Variants in ADAMTS3 observed in about 807,000 individuals in gnomAD.
ADAMTS3 encodes the protein A disintegrin and metalloproteinase with thrombospondin motifs 3.
A neutral mutation model predicts 129.0 loss-of-function variants in ADAMTS3; 73 were observed. The observed-to-expected ratio is 0.57, with a 90% CI of 0.47 to 0.69. ADAMTS3 has a LOEUF of 0.69. Ranked by LOEUF, ADAMTS3 falls within the 30% of genes least tolerant of loss-of-function variation. The pLI, the probability that ADAMTS3 is intolerant of heterozygous loss-of-function variation, is 0.00. For missense variants in ADAMTS3, 1,457 were observed against 1,514.5 expected (o/e 0.96, Z 0.63); for synonymous variants, 477 against 510.8 (o/e 0.93, Z 0.89).
chr4:72,436,313 C>A (rs186511011), intron 3 of ADAMTS3, among the ~76,000 whole-genome samples: 112 of 152,272 alleles, frequency 7.4e-4, no homozygotes, highest in African/African-American at 2.6e-3. Context: ...GAGATACCAT[C>A]TCACGCCAGT....
At chr4:72,482,522 G>C (rs1719466360) in intron 3 of ADAMTS3, among the ~76,000 whole-genome samples, 1 of 152,066 alleles carries the variant, frequency 6.6e-6, no homozygotes, top group African/African-American at 2.4e-5. Flanking sequence ...AGTGGGGTGG[G>C]AGAAAAGTGG....
chr4:72,458,790 C>A (rs917105631), intron 3 of ADAMTS3, among the ~76,000 whole-genome samples: 1 of 151,494 alleles, frequency 6.6e-6, no homozygotes, highest in East Asian at 2.0e-4. Flanking sequence ...AATATCTCCA[C>A]ATATCAGAAA....
chr4:72,376,251 G>C (rs776198549), intron 4 of ADAMTS3, among the ~76,000 whole-genome samples: 6 of 152,240 alleles, frequency 3.9e-5, no homozygotes, highest in Non-Finnish European at 7.4e-5. Context: ...GGCTGGGAGA[G>C]CCCAAGATCA....
At position 72,532,491 on chromosome 4, in the gene ADAMTS3, G is replaced by GCACACA. The variant is rs35399046; in HGVS notation, c.504+15981_504+15986dup. ...CCTTCTGCTCTTAATAATTTAATATGCACACACACACACACACACACACAC... is the reference window on the plus strand; with the variant it reads ...CCTTCTGCTCTTAATAATTTAATATGCACACACACACACACACACACACACACACAC... On this transcript the variant is annotated intron_variant, in intron 3 of 21. Transcript: ENST00000286657. Among the ~76,000 whole-genome samples, 381 of 148,790 alleles carry GCACACA rather than the reference G, an allele frequency of 2.6e-3. 2 individuals carry two copies. The highest frequency in any genetic ancestry group is 8.0e-3 in the African/African-American group (323 of 40,532).
chr4:72,545,519 C>G (rs1721442937), intron 3 of ADAMTS3, among the ~76,000 whole-genome samples: 1 of 152,168 alleles, frequency 6.6e-6, no homozygotes, highest in Non-Finnish European at 1.5e-5. Context: ...GGGCCAATGT[C>G]TGTTGCTTTG....
At chr4:72,297,880 C>T (rs941898961) in intron 18 of ADAMTS3, among the ~76,000 whole-genome samples, 2 of 152,054 alleles carry the variant, frequency 1.3e-5, no homozygotes, top group African/African-American at 4.8e-5. Flanking sequence ...AGTCATGTAA[C>T]CAATAGCTCT....
At chr4:72,305,891 T>C (rs760405080) in intron 16 of ADAMTS3, 96 bp downstream of exon 16, 3 of 1,022,770 alleles carry the variant, frequency 2.9e-6, no homozygotes, top group East Asian at 4.8e-5. Flanking sequence ...TATGCACATA[T>C]ATGTGTACAT....
chr4:72,323,963 G>T (rs971607961), intron 5 of ADAMTS3, among the ~76,000 whole-genome samples: 10 of 152,114 alleles, frequency 6.6e-5, no homozygotes, highest in African/African-American at 2.4e-4. Context: ...GACTGTAACT[G>T]TATCTTCTCA....
chr4:72,383,236 A>G (rs1458863692), intron 4 of ADAMTS3, among the ~76,000 whole-genome samples: 1 of 152,096 alleles, frequency 6.6e-6, no homozygotes, highest in Non-Finnish European at 1.5e-5. Flanking sequence ...AACTATAAAC[A>G]CTAAATAAAA....
chr4:72,426,467 C>T (rs868151434), intron 3 of ADAMTS3, among the ~76,000 whole-genome samples: 8 of 152,074 alleles, frequency 5.3e-5, no homozygotes, highest in Middle Eastern at 6.8e-3. Context: ...ATGCACATAC[C>T]CAAACTATAA....
chr4:72,364,974 TC>T (rs757683554), intron 4 of ADAMTS3, among the ~76,000 whole-genome samples: 67 of 152,178 alleles, frequency 4.4e-4, no homozygotes, highest in Admixed American at 7.2e-4. Flanking sequence ...TTGTTTTGCT[TC>T]CCCTATTAAT....
At chr4:72,534,557 T>C (rs968377142) in intron 3 of ADAMTS3, among the ~76,000 whole-genome samples, 1 of 152,160 alleles carries the variant, frequency 6.6e-6, no homozygotes, top group Non-Finnish European at 1.5e-5. Context: ...AAGAGTAATT[T>C]GTACTCATAG....
At position 72,389,921 on chromosome 4, in the gene ADAMTS3, G is replaced by C. The variant is rs1438577240; in HGVS notation, c.661+24894C>G. Among the ~76,000 whole-genome samples the C allele has an allele frequency of 2.2e-4, 7 of 32,230 alleles. No individual in the cohort carries two copies. The Admixed American group carries it at 2.3e-3, about 11-fold the overall frequency. The allele number at this position is 32,230 out of a possible 152,430, so 21.1% of individuals were successfully genotyped here. On this transcript the variant is annotated intron_variant, in intron 4 of 21. Coordinates refer to ENST00000286657, the MANE Select transcript of ADAMTS3 (RefSeq NM_014243.3). The stretch of plus-strand genomic sequence containing the variant: ...TCACTTATATTTTTCTAATGATAAG[G>C]AGAGAGAGAAGGAAAAGAAGAGATG...
intron 3 of ADAMTS3, among the ~76,000 whole-genome samples, chr4:72,422,050 C>A (rs996787496): frequency 1.3e-5 from 2 of 152,114 alleles, no homozygotes; most frequent in Admixed American, 1.3e-4. Flanking sequence ...GCTCTCAGGT[C>A]TGCAACATTT....
intron 3 of ADAMTS3, among the ~76,000 whole-genome samples, chr4:72,498,300 C>T (rs1719920543): frequency 6.6e-6 from 1 of 151,740 alleles, no homozygotes; most frequent in Non-Finnish European, 1.5e-5. Flanking sequence ...ATCAGATTTC[C>T]CAGCATCCCT....
intron 3 of ADAMTS3, among the ~76,000 whole-genome samples, chr4:72,516,489 G>C (rs964774524): frequency 9.9e-5 from 15 of 152,066 alleles, no homozygotes; most frequent in Admixed American, 2.0e-4. Context: ...TCTTCCATTT[G>C]TCTGTATCCT....
intron 3 of ADAMTS3, among the ~76,000 whole-genome samples, chr4:72,543,219 C>T (rs1007453799): frequency 6.6e-6 from 1 of 152,120 alleles, no homozygotes; most frequent in African/African-American, 2.4e-5. Flanking sequence ...AAACCTCTCT[C>T]TTTTGTACAT....
chr4:72,464,419 G>C lies in ADAMTS3; in HGVS notation c.505-49448C>G, dbSNP rs527268201. Among the ~76,000 whole-genome samples, 165 of 152,120 alleles carry C rather than the reference G, an allele frequency of 1.1e-3. 1 individual carries two copies. Among genetic ancestry groups the C allele is most frequent in the African/African-American group, 3.8e-3 (159 of 41,524 alleles). On this transcript the variant is annotated intron_variant, in intron 3 of 21. Coordinates refer to ENST00000286657, the MANE Select transcript of ADAMTS3 (RefSeq NM_014243.3). ...TTCATTCCTTTTCTGGAGTTTGTCA[G>C]TAAGCGAACATTGCTTAAAGGTTGA...
chr4:72,354,594 G>T (rs759327985), intron 4 of ADAMTS3, among the ~76,000 whole-genome samples: 4 of 151,924 alleles, frequency 2.6e-5, no homozygotes, highest in Non-Finnish European at 5.9e-5. Context: ...CAATAATAGA[G>T]TTTTAATGCA....
Sources: allele counts gnomAD v4.1 joint callset (sites outside exome capture counted in the v4.1 genomes callset), GRCh38; gene constraint gnomAD v4.1.1; transcripts MANE v1.5; gene names NCBI Gene and HGNC (gene_info 2026-07-23, HGNC 2026-07-21).